ENAH: variants seen among roughly 807,000 people sequenced by gnomAD.
ENAH encodes ENAH actin regulator.
In ENAH, 23 loss-of-function variants were observed where a neutral mutation model predicts 78.7. That is an observed-to-expected ratio of 0.29 (90% CI 0.21 to 0.41). The LOEUF (loss-of-function observed/expected upper bound fraction) is 0.41, where lower values mean the gene tolerates loss of function less well. Among genes scored for constraint, ENAH ranks in the 10% least tolerant of loss-of-function variants. ENAH has a pLI of 1.00. For synonymous variants in ENAH, 226 were observed against 241.0 expected (o/e 0.94, Z 0.58); for missense variants, 544 against 691.0 (o/e 0.79, Z 2.39).
At chr1:225,560,109 T>C (rs920687861) in intron 2 of ENAH, among the ~76,000 whole-genome samples, 5 of 152,132 alleles carry the variant, frequency 3.3e-5, no homozygotes, top group Non-Finnish European at 4.4e-5. Context: ...GACATCCCCA[T>C]TGGGACTTCC....
intron 1 of ENAH, among the ~76,000 whole-genome samples, chr1:225,576,533 A>G (rs1260105660): frequency 6.6e-6 from 1 of 152,230 alleles, no homozygotes; most frequent in Non-Finnish European, 1.5e-5. Flanking sequence ...TCCACTTCAA[A>G]GAAACCAAAG....
intron 1 of ENAH, among the ~76,000 whole-genome samples, chr1:225,628,622 G>A (rs1658380468): frequency 6.6e-6 from 1 of 152,114 alleles, no homozygotes; most frequent in South Asian, 2.1e-4. Flanking sequence ...AAAAGATGGT[G>A]CAACTAGGCC....
intron 1 of ENAH, among the ~76,000 whole-genome samples, chr1:225,582,196 G>A (rs2096822358): frequency 6.6e-6 from 1 of 151,986 alleles, no homozygotes; most frequent in African/African-American, 2.4e-5. Context: ...CCAGCCACAG[G>A]AAGTGCCAGC....
chr1:225,606,877 C>T (rs2096958867), intron 1 of ENAH, among the ~76,000 whole-genome samples: 1 of 141,708 alleles, frequency 7.1e-6, no homozygotes, highest in Non-Finnish European at 1.5e-5. Flanking sequence ...AAATTATTTT[C>T]AATAAACTTA....
At chr1:225,631,461 C>A (rs1232098595) in intron 1 of ENAH, among the ~76,000 whole-genome samples, 3 of 151,114 alleles carry the variant, frequency 2.0e-5, no homozygotes, top group Non-Finnish European at 4.4e-5. Context: ...GTAGTCCCAG[C>A]TACTTGGGAA....
chr1:225,505,112 A>C, intron 11 of ENAH: 4 of 1,316,724 alleles, frequency 3.0e-6, no homozygotes, highest in South Asian at 1.2e-5. Context: ...AATAATTCTC[A>C]TTATGTTACT....
At chr1:225,630,357 G>T (rs151027229) in intron 1 of ENAH, among the ~76,000 whole-genome samples, 1 of 152,226 alleles carries the variant, frequency 6.6e-6, no homozygotes, top group Non-Finnish European at 1.5e-5. Context: ...TTTGAATTCC[G>T]GCTCCACTAA....
chr1:225,576,060 G>A (rs1294285499), intron 1 of ENAH, among the ~76,000 whole-genome samples: 1 of 152,040 alleles, frequency 6.6e-6, no homozygotes, highest in Non-Finnish European at 1.5e-5. Context: ...CAGAGGTTGA[G>A]AATCAGCTGT....
In ENAH at chr1:225,495,850, T is replaced by C. The variant is rs1434790113; in HGVS notation, c.*1925A>G. The C allele has an allele frequency of 6.6e-6, 1 of 152,574 alleles. No homozygotes were observed. The highest frequency in any genetic ancestry group is 1.9e-4 in the East Asian group (1 of 5,194). 9.5% of individuals were successfully genotyped at this position (152,574 alleles called of 1,614,324 possible). A position where few individuals can be genotyped will look rare whatever the true frequency, so the allele number is the denominator to read the frequency against. On this transcript the variant is annotated 3_prime_UTR_variant, in exon 14 of 14. Coordinates refer to ENST00000366843, the MANE Select transcript of ENAH (RefSeq NM_018212.6). ...TCTGATAGAAAAAAGAAATGTATAC[T>C]TGAATTATGATAGCTCATCCATCAC...
At chr1:225,509,123 C>T (rs562339007) in intron 10 of ENAH, among the ~76,000 whole-genome samples, 17 of 152,190 alleles carry the variant, frequency 1.1e-4, no homozygotes, top group African/African-American at 3.9e-4. Context: ...TCTCAATGAC[C>T]GCCACAGTGG....
intron 11 of ENAH, among the ~76,000 whole-genome samples, chr1:225,507,332 TATATATATACATAA>T (rs1443952335): frequency 1.3e-5 from 2 of 151,916 alleles, no homozygotes; most frequent in East Asian, 1.9e-4. Flanking sequence ...CTCCAAAAAT[TATATATATACATAA>T]ATATATATAC....
rs2148067758 is a variant in ENAH, at chr1:225,606,973, G to A, written c.6-39559C>T. 1.3e-5 allele frequency among the ~76,000 whole-genome samples: 2 copies of A among 151,908 alleles called. 1 individual carries two copies. The highest frequency in any genetic ancestry group is 4.8e-5 in the African/African-American group (2 of 41,436). On this transcript the variant is annotated intron_variant, in intron 1 of 13. Transcript: ENST00000366843. Reference sequence around the variant, plus strand: ...GGTCCTGAATAATGCAGCTGAGAGTGCCAGGCACACAGACCTGTGAAGGCC... The same window carrying A: ...GGTCCTGAATAATGCAGCTGAGAGTACCAGGCACACAGACCTGTGAAGGCC...
chr1:225,519,682 C>T, intron 4 of ENAH, 117 bp from the exon 5 acceptor site: 1 of 1,419,376 alleles, frequency 7.0e-7, no homozygotes, highest in Non-Finnish European at 9.5e-7. Context: ...GTAGAGCATG[C>T]AAACATCTCT....
chr1:225,599,739 T>C (rs1270737591), intron 1 of ENAH, among the ~76,000 whole-genome samples: 7 of 139,946 alleles, frequency 5.0e-5, no homozygotes, highest in Admixed American at 8.0e-5. Context: ...GAGGTTGCCG[T>C]GAGCCAAGAT....
intron 6 of ENAH, among the ~76,000 whole-genome samples, chr1:225,515,856 G>A (rs1382817171): frequency 1.3e-5 from 2 of 152,174 alleles, no homozygotes; most frequent in African/African-American, 4.8e-5. Flanking sequence ...GGGTACAGCA[G>A]GTCACTTTGT....
rs894741021 is a variant in ENAH at position 225,488,216 on chromosome 1, G to A, written c.*9559C>T. On this transcript the variant is annotated 3_prime_UTR_variant, in exon 14 of 14. Transcript: ENST00000366843. Reference sequence around the variant, plus strand: ...TTTATTTTTTAAGGAGACAGGCCTCGCTATGTTGCCCAGGCTGGCCTCCAA... The same window carrying A: ...TTTATTTTTTAAGGAGACAGGCCTCACTATGTTGCCCAGGCTGGCCTCCAA... The A allele has an allele frequency of 2.0e-5, 3 of 151,844 alleles. No homozygotes were observed. Among genetic ancestry groups the A allele is most frequent in the African/African-American group, 7.3e-5 (3 of 41,298 alleles). 9.4% of individuals were successfully genotyped at this position (151,844 alleles called of 1,614,324 possible).
chr1:225,563,496 A>G (rs559023401), intron 2 of ENAH, among the ~76,000 whole-genome samples: 2 of 152,308 alleles, frequency 1.3e-5, no homozygotes, highest in African/African-American at 4.8e-5. Context: ...TTATGTATTG[A>G]TTCAAATTTT....
intron 1 of ENAH, among the ~76,000 whole-genome samples, chr1:225,593,893 A>G (rs2096890063): frequency 6.6e-6 from 1 of 152,254 alleles, no homozygotes. Flanking sequence ...GATAATATCA[A>G]TAAAGTGTAG....
intron 1 of ENAH, among the ~76,000 whole-genome samples, chr1:225,578,312 AAAAAT>A (rs1311550061): frequency 5.9e-5 from 9 of 152,160 alleles, no homozygotes; most frequent in Non-Finnish European, 1.2e-4. Flanking sequence ...ACAAGATATG[AAAAAT>A]AAAATAAATT....
Sources: gnomAD v4.1 joint callset for allele counts (sites outside exome capture counted in the v4.1 genomes callset) on GRCh38, gnomAD v4.1.1 for gene constraint, MANE v1.5 for transcripts, NCBI Gene and HGNC (gene_info 2026-07-23, HGNC 2026-07-21) for gene names.